The following PLEKHF2 variants were observed in gnomAD, a reference collection of about 807,000 sequenced individuals.
The protein encoded by PLEKHF2 is pleckstrin homology domain-containing family F member 2.
PLEKHF2 carries 4 observed loss-of-function variants against 14.7 expected under a neutral mutation model. The observed-to-expected ratio is 0.27, with a 90% CI of 0.13 to 0.62. The LOEUF (loss-of-function observed/expected upper bound fraction) is 0.62, where lower values mean the gene tolerates loss of function less well. PLEKHF2 is among the 20% of genes least tolerant of loss of function. The pLI is 0.85. For missense variants in PLEKHF2, 201 were observed against 307.7 expected (o/e 0.65, Z 2.60); for synonymous variants, 90 against 103.5 (o/e 0.87, Z 0.79).
chr8:95,149,600 G>A (rs1322333317), intron 1 of PLEKHF2, among the ~76,000 whole-genome samples: 1 of 152,176 alleles, frequency 6.6e-6, no homozygotes, highest in African/African-American at 2.4e-5. Flanking sequence ...TACTGTCATT[G>A]TGCTGCTTGG....
chr8:95,150,028 G>A (rs1810539653), intron 1 of PLEKHF2, among the ~76,000 whole-genome samples: 1 of 152,138 alleles, frequency 6.6e-6, no homozygotes, highest in African/African-American at 2.4e-5. Flanking sequence ...CCAAATGGTA[G>A]TGCCCTAATC....
At chr8:95,145,095 A>G (rs75959823) in intron 1 of PLEKHF2, among the ~76,000 whole-genome samples, 3,028 of 152,252 alleles carry the variant, frequency 0.02, 96 homozygotes, top group African/African-American at 0.066. Flanking sequence ...AGACTGTAGA[A>G]TAAGTCTACT....
Position 95,154,110 on chromosome 8 carries a change from T to C in PLEKHF2, c.66T>C (p.Phe22=), listed in dbSNP as rs1810589386. ...TRRISIVENC[F]GAAGQPLTIP... ...GTATAAGTATAGTGGAAAACTGTTT[T>C]GGAGCAGCTGGTCAACCTTTAACTA... Residue 22 remains phenylalanine (F), a synonymous_variant, in exon 2 of 2, where the codon TTT becomes TTC. Transcript: ENST00000315367. This position sits in a 1 kb window ranked among gnomAD's most constrained non-coding sequence, Gnocchi z 5.6. 2 of 1,613,880 alleles carry C rather than the reference T, an allele frequency of 1.2e-6. No homozygotes were observed. Among genetic ancestry groups the C allele is most frequent in the African/African-American group, 1.3e-5 (1 of 75,014 alleles).
intron 1 of PLEKHF2, among the ~76,000 whole-genome samples, chr8:95,149,419 G>A (rs1046488442): frequency 6.6e-6 from 1 of 152,108 alleles, no homozygotes; most frequent in African/African-American, 2.4e-5. Context: ...TAAGCTCTGA[G>A]AAGAAAAGCG....
chr8:95,148,109 G>A (rs1318391673), intron 1 of PLEKHF2, among the ~76,000 whole-genome samples: 2 of 151,730 alleles, frequency 1.3e-5, no homozygotes, highest in Admixed American at 6.6e-5. Flanking sequence ...TTCAAAGGAT[G>A]TTTCCTATTT....
At chr8:95,135,374 A>G (rs964104494) in intron 1 of PLEKHF2, among the ~76,000 whole-genome samples, 1 of 152,158 alleles carries the variant, frequency 6.6e-6, no homozygotes, top group East Asian at 1.9e-4. Flanking sequence ...TTGATTGTCA[A>G]TTTCTTTTTC....
chr8:95,147,476 A>G (rs886940930), intron 1 of PLEKHF2, among the ~76,000 whole-genome samples: 2 of 152,046 alleles, frequency 1.3e-5, no homozygotes, highest in African/African-American at 4.8e-5. Flanking sequence ...AACAAAATTT[A>G]CTTATTTTAA....
Position 95,156,344 on chromosome 8 carries a change from T to A in PLEKHF2, c.*1550T>A, listed in dbSNP as rs769186419. The A allele has an allele frequency of 6.0e-6, 1 of 166,980 alleles. No individual in the cohort carries two copies. The highest frequency in any genetic ancestry group is 2.4e-5 in the African/African-American group (1 of 41,458). The allele number at this position is 166,980 out of a possible 1,614,324, so 10.3% of individuals were successfully genotyped here. A position where few individuals can be genotyped will look rare whatever the true frequency, so the allele number is the denominator to read the frequency against. On this transcript the variant is annotated 3_prime_UTR_variant, in exon 2 of 2. Transcript: ENST00000315367. ...TGTTTGGTTAAGGCACTAATTTTAC[T>A]TACCTATTAGATTTTGAAAGTATCT... is the stretch of plus-strand genomic sequence containing the variant.
intron 1 of PLEKHF2, among the ~76,000 whole-genome samples, chr8:95,139,893 T>C (rs1270590918): frequency 6.6e-6 from 1 of 152,072 alleles, no homozygotes; most frequent in Non-Finnish European, 1.5e-5. Context: ...GTGAAACATA[T>C]GAGAGCAGGT....
At chr8:95,147,077 A>T (rs539005385) in intron 1 of PLEKHF2, among the ~76,000 whole-genome samples, 30 of 152,224 alleles carry the variant, frequency 2.0e-4, no homozygotes, top group African/African-American at 7.2e-4. Context: ...GGAGATAACT[A>T]TCACCCTTAA....
chr8:95,139,990 T>G (rs1417790922), intron 1 of PLEKHF2, among the ~76,000 whole-genome samples: 1 of 152,140 alleles, frequency 6.6e-6, no homozygotes, highest in African/African-American at 2.4e-5. Context: ...TTCCCCAAAG[T>G]TTAGTCCTCT....
chr8:95,142,548 C>T (rs2132106654), intron 1 of PLEKHF2, among the ~76,000 whole-genome samples: 1 of 152,316 alleles, frequency 6.6e-6, no homozygotes. Flanking sequence ...GCCATTATGC[C>T]CAAGCTATTT....
At chr8:95,138,255 C>G (rs1384328884) in intron 1 of PLEKHF2, among the ~76,000 whole-genome samples, 1 of 151,260 alleles carries the variant, frequency 6.6e-6, no homozygotes, top group Non-Finnish European at 1.5e-5. Context: ...ACCCCAGTCT[C>G]GAAACATGTT....
intron 1 of PLEKHF2, among the ~76,000 whole-genome samples, chr8:95,145,481 C>T (rs947008440): frequency 4.0e-5 from 6 of 151,180 alleles, no homozygotes; most frequent in African/African-American, 1.5e-4. Context: ...GCTCTGTCAC[C>T]GAGGCTCACT....
At chr8:95,138,174 T>C (rs1226479992) in intron 1 of PLEKHF2, among the ~76,000 whole-genome samples, 2 of 152,182 alleles carry the variant, frequency 1.3e-5, no homozygotes, top group Admixed American at 6.5e-5. Context: ...TACTAGTTAC[T>C]TTCTAATCCT....
rs566384578 is a variant in PLEKHF2 at position 95,155,609 on chromosome 8, T to C, written c.*815T>C. 6.0e-6 allele frequency: 1 copy of C among 167,186 alleles called. No individual in the cohort carries two copies. Among genetic ancestry groups the C allele is most frequent in the African/African-American group, 2.4e-5 (1 of 41,588 alleles). The allele number at this position is 167,186 out of a possible 1,614,324, so 10.4% of individuals were successfully genotyped here. A position where few individuals can be genotyped will look rare whatever the true frequency, so the allele number is the denominator to read the frequency against. On this transcript the variant is annotated 3_prime_UTR_variant, in exon 2 of 2. Coordinates refer to ENST00000315367, the MANE Select transcript of PLEKHF2 (RefSeq NM_024613.4). ...TTTGAAATTTATCAGTTATACAGAA[T>C]TGTCATACTGCATTAGCTTCTACCT... is the stretch of plus-strand genomic sequence containing the variant.
intron 1 of PLEKHF2, among the ~76,000 whole-genome samples, chr8:95,141,262 C>T (rs1810435194): frequency 1.3e-5 from 2 of 152,172 alleles, no homozygotes; most frequent in Non-Finnish European, 2.9e-5. Flanking sequence ...CCTTTATTTT[C>T]CTATTGTAAG....
intron 1 of PLEKHF2, among the ~76,000 whole-genome samples, chr8:95,149,612 A>G (rs1349912945): frequency 6.6e-6 from 1 of 152,202 alleles, no homozygotes; most frequent in East Asian, 1.9e-4. Context: ...GCTGCTTGGT[A>G]AATTGGTGTT....
rs189959015 is a variant in PLEKHF2 at position 95,150,560 on chromosome 8, A to G, written c.-14-3471A>G. On this transcript the variant is annotated intron_variant, in intron 1 of 1. Coordinates refer to ENST00000315367, the MANE Select transcript of PLEKHF2 (RefSeq NM_024613.4). ...TGCTGCAGCCAAATACTAATTAATAATGCCCCAAACCTTGCTTAAGTTGCA... is the reference window on the plus strand; with the variant it reads ...TGCTGCAGCCAAATACTAATTAATAGTGCCCCAAACCTTGCTTAAGTTGCA... 8.2e-4 allele frequency among the ~76,000 whole-genome samples: 125 copies of G among 152,304 alleles called. 1 individual carries two copies. Among genetic ancestry groups the G allele is most frequent in the Non-Finnish European group, 2.9e-4 (20 of 68,010 alleles).
Sources: allele counts gnomAD v4.1 joint callset (sites outside exome capture counted in the v4.1 genomes callset), GRCh38; gene constraint gnomAD v4.1.1; non-coding constraint Gnocchi (gnomAD v3.1); transcripts MANE v1.5; gene names NCBI Gene and HGNC (gene_info 2026-07-23, HGNC 2026-07-21).